FRMD6: variants seen among roughly 807,000 people sequenced by gnomAD.
FRMD6 encodes the protein FERM domain-containing protein 6.
A neutral mutation model predicts 73.2 loss-of-function variants in FRMD6; 37 were observed. The ratio of observed to expected loss-of-function variants is 0.51; its 90% CI spans 0.39 to 0.66. FRMD6 has a LOEUF of 0.66. FRMD6 is among the 30% of genes least tolerant of loss of function. FRMD6 has a pLI of 0.00. For missense variants in FRMD6, 714 were observed against 780.5 expected, an observed-to-expected ratio of 0.91 and a Z score of 1.02; for synonymous variants, 273 against 282.2, an observed-to-expected ratio of 0.97 and a Z score of 0.33.
chr14:51,670,147 C>T (rs577407633), intron 1 of FRMD6, among the ~76,000 whole-genome samples: 1 of 152,298 alleles, frequency 6.6e-6, no homozygotes, highest in African/African-American at 2.4e-5. Flanking sequence ...ATGATCATGG[C>T]TCACTGCAGC....
At chr14:51,678,259 A>G (rs981874756) in intron 1 of FRMD6, among the ~76,000 whole-genome samples, 1 of 152,180 alleles carries the variant, frequency 6.6e-6, no homozygotes, top group African/African-American at 2.4e-5. Context: ...GTTTGGCTTC[A>G]GAGTCCAGAT....
intron 2 of FRMD6, among the ~76,000 whole-genome samples, chr14:51,602,608 T>C (rs959049282): frequency 6.6e-6 from 1 of 152,232 alleles, no homozygotes; most frequent in East Asian, 1.9e-4. Flanking sequence ...TTTTGTGCTA[T>C]GATGGCATGG....
At chr14:51,541,111 G>A (rs1262408614) in intron 1 of FRMD6, among the ~76,000 whole-genome samples, 1 of 152,092 alleles carries the variant, frequency 6.6e-6, no homozygotes. Flanking sequence ...GTGTCTTAGA[G>A]CAGAGGTTTC....
the FRMD6 span, among the ~76,000 whole-genome samples, chr14:51,442,249 C>T: frequency 6.6e-6 from 1 of 152,140 alleles, no homozygotes; most frequent in African/African-American, 2.4e-5. Context: ...GATCCCTTCT[C>T]CCCTCCTCCG....
chr14:51,402,881 G>T, the FRMD6 span, among the ~76,000 whole-genome samples: 1 of 151,910 alleles, frequency 6.6e-6, no homozygotes, highest in South Asian at 2.1e-4. Context: ...CTCATGATTC[G>T]TCCACCTCAG....
the FRMD6 span, among the ~76,000 whole-genome samples, chr14:51,452,234 G>T: frequency 6.6e-6 from 1 of 152,238 alleles, no homozygotes; most frequent in South Asian, 2.1e-4. Context: ...ACAGGCAGAT[G>T]GAAGAAGAGG....
intron 1 of FRMD6, chr14:51,522,980 T>G (rs2140301291): frequency 6.6e-6 from 1 of 152,274 alleles, no homozygotes; most frequent in East Asian, 1.9e-4. Flanking sequence ...AAAATATAGG[T>G]TATAGACATG....
chr14:51,463,100 A>T, the FRMD6 span, among the ~76,000 whole-genome samples: 1 of 152,232 alleles, frequency 6.6e-6, no homozygotes, highest in South Asian at 2.1e-4. Flanking sequence ...CATGAAAAGG[A>T]CAACTTTCCC....
At chr14:51,592,086 GT>G (rs920181941) in intron 2 of FRMD6, among the ~76,000 whole-genome samples, 41 of 152,300 alleles carry the variant, frequency 2.7e-4, no homozygotes, top group African/African-American at 9.6e-4. Flanking sequence ...TAATATAGGA[GT>G]TGGAATTACA....
intron 2 of FRMD6, among the ~76,000 whole-genome samples, chr14:51,692,173 A>G (rs1258933634): frequency 1.3e-5 from 2 of 152,086 alleles, no homozygotes; most frequent in Admixed American, 6.5e-5. Flanking sequence ...GATTAGCTAC[A>G]TTGCTGCTCA....
At chr14:51,533,231 TG>T (rs1321343823) in intron 1 of FRMD6, among the ~76,000 whole-genome samples, 9 of 152,202 alleles carry the variant, frequency 5.9e-5, no homozygotes, top group Non-Finnish European at 1.0e-4. Flanking sequence ...TCGAGGAGTC[TG>T]GGTTTTTTTC....
rs1896518905 is a variant in FRMD6, at chr14:51,704,645, A to AG, written c.372-103dup. Reference sequence around the variant, plus strand: ...TGAGGTGGGAGGGAGGAGCAGAAACAGAAGGGTTCCTGTCACCAGATGGAG... The same window carrying AG: ...TGAGGTGGGAGGGAGGAGCAGAAACAGGAAGGGTTCCTGTCACCAGATGGAG... On this transcript the variant is annotated intron_variant, in intron 5 of 13. Coordinates refer to ENST00000344768, the MANE Select transcript of FRMD6 (RefSeq NM_001267046.2). 3.3e-6 allele frequency: 3 copies of AG among 905,942 alleles called. No individual in the cohort carries two copies. In the East Asian group the frequency reaches 7.6e-5, roughly 23 times the overall value. The allele number at this position is 905,942 out of a possible 1,614,324, so 56.1% of individuals were successfully genotyped here.
intron 1 of FRMD6, among the ~76,000 whole-genome samples, chr14:51,669,167 T>C (rs1893822329): frequency 6.6e-6 from 1 of 152,102 alleles, no homozygotes; most frequent in South Asian, 2.1e-4. Flanking sequence ...CTCTAGATGC[T>C]TTTGTATCTG....
intron 1 of FRMD6, among the ~76,000 whole-genome samples, chr14:51,497,728 G>T (rs567283428): frequency 6.6e-6 from 1 of 152,152 alleles, no homozygotes; most frequent in African/African-American, 2.4e-5. Flanking sequence ...AACCCAGCAT[G>T]TATTTTACAC....
At chr14:51,416,267 C>T in the FRMD6 span, among the ~76,000 whole-genome samples, 1 of 152,034 alleles carries the variant, frequency 6.6e-6, no homozygotes, top group Non-Finnish European at 1.5e-5. Context: ...TTAGATCTTT[C>T]CTGCTTTCTT....
Position 51,689,917 on chromosome 14 carries a change from T to G in FRMD6, c.81T>G (p.Ser27=). ...GCATTTTCCTTCCCAACGATGAATC[T>G]CTGAACATCATCATAAATGTGAGTA... ...SVCIFLPNDE[S]LNIIINVKIL... The change falls in exon 2 of 14, where the codon TCT becomes TCG. Residue 27 remains serine, a synonymous_variant. Transcript: ENST00000344768. The G allele has an allele frequency of 3.1e-6, 5 of 1,606,006 alleles. No individual in the cohort carries two copies. Among genetic ancestry groups the G allele is most frequent in the Non-Finnish European group, 4.3e-6 (5 of 1,172,524 alleles).
the FRMD6 span, among the ~76,000 whole-genome samples, chr14:51,474,786 A>G: frequency 6.6e-6 from 1 of 152,226 alleles, no homozygotes; most frequent in Non-Finnish European, 1.5e-5. Context: ...AGGTGGGCGA[A>G]CAAAAATGAT....
intron 10 of FRMD6, among the ~76,000 whole-genome samples, chr14:51,718,405 A>T (rs1475886672): frequency 2.6e-5 from 4 of 152,262 alleles, no homozygotes; most frequent in Admixed American, 2.0e-4. Context: ...AAAGCTTTTA[A>T]ATTATTAGGT....
chr14:51,664,807 T>C (rs1361516108), intron 1 of FRMD6, among the ~76,000 whole-genome samples: 1 of 152,214 alleles, frequency 6.6e-6, no homozygotes, highest in Non-Finnish European at 1.5e-5. Flanking sequence ...GAATGTTTTT[T>C]TCAGCTGAAA....
Sources: gnomAD v4.1 joint callset for allele counts (sites outside exome capture counted in the v4.1 genomes callset) on GRCh38, gnomAD v4.1.1 for gene constraint, MANE v1.5 for transcripts, NCBI Gene and HGNC (gene_info 2026-07-23, HGNC 2026-07-21) for gene names.